The following ZNF385D variants were observed in gnomAD, a reference collection of about 807,000 sequenced individuals.
The protein encoded by ZNF385D is zinc finger protein 385D.
Under a neutral mutation model 35.8 loss-of-function variants are expected in ZNF385D, and 15 were observed. That is an observed-to-expected ratio of 0.42 (90% confidence interval 0.28 to 0.64). The LOEUF is 0.64. Among genes scored for constraint, ZNF385D ranks in the 30% least tolerant of loss-of-function variants. The probability of loss-of-function intolerance (pLI) is 0.23; values close to 1 mark genes in which losing one functional copy is unlikely to be tolerated. For synonymous variants in ZNF385D, 212 were observed against 186.8 expected (o/e 1.13, Z -1.10); for missense variants, 474 against 494.6 (o/e 0.96, Z 0.39).
intron 4 of ZNF385D, among the ~76,000 whole-genome samples, chr3:21,498,204 T>C (rs1481090881): frequency 2.6e-5 from 4 of 152,050 alleles, no homozygotes. Context: ...TTAGATCATA[T>C]AGAAAAATCA....
chr3:21,776,465 G>A (rs986633409), intron 3 of ZNF385D, among the ~76,000 whole-genome samples: 14 of 151,928 alleles, frequency 9.2e-5, no homozygotes, highest in Non-Finnish European at 1.6e-4. Flanking sequence ...ACGTATGTGT[G>A]TGTTAAATCT....
At chr3:22,190,705 A>G (rs1241906345) in intron 2 of ZNF385D, among the ~76,000 whole-genome samples, 1 of 152,118 alleles carries the variant, frequency 6.6e-6, no homozygotes, top group Non-Finnish European at 1.5e-5. Flanking sequence ...TTTCTTTAGT[A>G]TTTTTTAGTG....
At chr3:21,803,096 C>CA (rs1434957645) in intron 3 of ZNF385D, among the ~76,000 whole-genome samples, 1 of 152,160 alleles carries the variant, frequency 6.6e-6, no homozygotes, top group Non-Finnish European at 1.5e-5. Flanking sequence ...CCCTCCCCGC[C>CA]ACCTGACACC....
intron 3 of ZNF385D, among the ~76,000 whole-genome samples, chr3:21,552,962 A>AG (rs1311470380): frequency 2.0e-5 from 3 of 152,210 alleles, no homozygotes; most frequent in African/African-American, 7.2e-5. Flanking sequence ...GGGAGGCAGA[A>AG]GAGTGAGGCA....
At chr3:21,704,317 G>C (rs1407608213) in intron 1 of ZNF385D, among the ~76,000 whole-genome samples, 1 of 151,938 alleles carries the variant, frequency 6.6e-6, no homozygotes, top group Non-Finnish European at 1.5e-5. Context: ...CTGAATTCCA[G>C]ATGAAAAGCC....
intron 3 of ZNF385D, among the ~76,000 whole-genome samples, chr3:21,811,673 C>T (rs769238991): frequency 6.6e-6 from 1 of 152,048 alleles, no homozygotes; most frequent in Non-Finnish European, 1.5e-5. Context: ...GTATAGTTTA[C>T]AAAAACTATA....
At chr3:22,046,936 G>A (rs1387898276) in intron 3 of ZNF385D, among the ~76,000 whole-genome samples, 1 of 152,102 alleles carries the variant, frequency 6.6e-6, no homozygotes, top group Non-Finnish European at 1.5e-5. Context: ...CATTAGATAA[G>A]TGGGAAATAT....
At chr3:21,453,635 C>T (rs1202570262) in intron 4 of ZNF385D, among the ~76,000 whole-genome samples, 1 of 151,798 alleles carries the variant, frequency 6.6e-6, no homozygotes, top group East Asian at 1.9e-4. Flanking sequence ...TAATCAAAAC[C>T]ACTGGGAAAT....
At chr3:22,253,685 A>G (rs2125332442) in intron 2 of ZNF385D, among the ~76,000 whole-genome samples, 1 of 152,078 alleles carries the variant, frequency 6.6e-6, no homozygotes, top group Admixed American at 6.6e-5. Flanking sequence ...GGATTTTGTC[A>G]GTGACTTAGT....
At chr3:22,098,919 C>T (rs2125619788) in intron 3 of ZNF385D, among the ~76,000 whole-genome samples, 1 of 152,096 alleles carries the variant, frequency 6.6e-6, no homozygotes, top group East Asian at 1.9e-4. Flanking sequence ...AAAGTTTTAA[C>T]ACTTGCCTAC....
chr3:21,839,171 C>A (rs1173103649), intron 3 of ZNF385D, among the ~76,000 whole-genome samples: 1 of 152,044 alleles, frequency 6.6e-6, no homozygotes, highest in Non-Finnish European at 1.5e-5. Flanking sequence ...AATCATTAAG[C>A]CCTATGGCCT....
intron 3 of ZNF385D, among the ~76,000 whole-genome samples, chr3:22,115,072 CT>C (rs1469002564): frequency 6.6e-6 from 1 of 152,056 alleles, no homozygotes; most frequent in Non-Finnish European, 1.5e-5. Context: ...CACGAACAAA[CT>C]AAGACAGGGT....
intron 3 of ZNF385D, among the ~76,000 whole-genome samples, chr3:22,091,859 G>GT (rs1701348939): frequency 6.6e-6 from 1 of 152,134 alleles, no homozygotes; most frequent in East Asian, 1.9e-4. Flanking sequence ...AGTGGTAGGT[G>GT]GTTAACTTTA....
chr3:22,149,935 C>T (rs767101207), intron 3 of ZNF385D, among the ~76,000 whole-genome samples: 3 of 152,140 alleles, frequency 2.0e-5, no homozygotes, highest in Non-Finnish European at 4.4e-5. Context: ...GCTCTCAGAA[C>T]TTACTCTCTT....
intron 2 of ZNF385D, among the ~76,000 whole-genome samples, chr3:21,583,971 T>C (rs1012964223): frequency 6.7e-6 from 1 of 149,802 alleles, no homozygotes; most frequent in Non-Finnish European, 1.5e-5. Context: ...TATTTATTTA[T>C]TTATTTATTT....
chr3:21,776,751 T>C (rs1300757259), intron 3 of ZNF385D, among the ~76,000 whole-genome samples: 1 of 151,970 alleles, frequency 6.6e-6, no homozygotes, highest in Non-Finnish European at 1.5e-5. Flanking sequence ...ATACAAGTGA[T>C]GTTTACAAAT....
chr3:22,263,580 A>G (rs990306663), intron 2 of ZNF385D, among the ~76,000 whole-genome samples: 11 of 151,986 alleles, frequency 7.2e-5, no homozygotes, highest in African/African-American at 2.7e-4. Context: ...TACAAGGGCA[A>G]AAGTTTTGTC....
chr3:22,060,780 G>A (rs1699649176), intron 3 of ZNF385D, among the ~76,000 whole-genome samples: 1 of 152,098 alleles, frequency 6.6e-6, no homozygotes, highest in Admixed American at 6.5e-5. Context: ...AATAAGAGAA[G>A]CCATCCACGC....
intron 3 of ZNF385D, among the ~76,000 whole-genome samples, chr3:21,828,925 T>C (rs2673505): frequency 0.89 from 135,480 of 152,250 alleles, 60,519 homozygotes; most frequent in African/African-American, 0.95. Context: ...TGGTTCCATC[T>C]TCATGTCTCC....
Sources: gnomAD v4.1 joint callset for allele counts (sites outside exome capture counted in the v4.1 genomes callset) on GRCh38, gnomAD v4.1.1 for gene constraint, MANE v1.5 for transcripts, NCBI Gene and HGNC (gene_info 2026-07-23, HGNC 2026-07-21) for gene names.